The following STAC variants were observed in gnomAD, a reference collection of about 807,000 sequenced individuals.
The protein encoded by STAC is SH3 and cysteine rich domain.
In STAC, 43 loss-of-function variants were observed where a neutral mutation model predicts 48.8. The ratio of observed to expected loss-of-function variants is 0.88; its 90% CI spans 0.69 to 1.14. STAC has a LOEUF of 1.14. STAC is among the 50% of genes most tolerant of loss of function. The pLI is 0.00. For synonymous variants in STAC, 193 were observed against 179.5 expected, an observed-to-expected ratio of 1.07 and a Z score of -0.60; for missense variants, 497 against 504.0, an observed-to-expected ratio of 0.99 and a Z score of 0.13.
At chr3:36,496,995 A>C (rs1385606884) in intron 6 of STAC, among the ~76,000 whole-genome samples, 4 of 151,900 alleles carry the variant, frequency 2.6e-5, no homozygotes, top group African/African-American at 9.7e-5. Flanking sequence ...ATCGAATATT[A>C]CCTCACTTTG....
chr3:36,382,381 G>A (rs187421435), intron 1 of STAC, among the ~76,000 whole-genome samples: 1 of 152,150 alleles, frequency 6.6e-6, no homozygotes, highest in East Asian at 1.9e-4. Context: ...ATATGGATTT[G>A]CTATTTATAG....
chr3:36,388,668 G>T (rs78572229), intron 1 of STAC, among the ~76,000 whole-genome samples: 2,066 of 151,964 alleles, frequency 0.014, 45 homozygotes, highest in African/African-American at 0.043. Context: ...GTAGTATGAA[G>T]AAATCTATTT....
intron 6 of STAC, among the ~76,000 whole-genome samples, chr3:36,503,679 C>T (rs1217533104): frequency 3.9e-5 from 6 of 152,182 alleles, no homozygotes; most frequent in East Asian, 3.9e-4. Context: ...GTGATCTACC[C>T]GCCTCGGCCT....
At chr3:36,516,945 G>A (rs879725872) in intron 8 of STAC, among the ~76,000 whole-genome samples, 1 of 152,128 alleles carries the variant, frequency 6.6e-6, no homozygotes, top group Non-Finnish European at 1.5e-5. Context: ...TAAGGATATA[G>A]AGTAGAGAAA....
intron 2 of STAC, among the ~76,000 whole-genome samples, chr3:36,446,820 G>C (rs1024992616): frequency 6.6e-6 from 1 of 152,124 alleles, no homozygotes; most frequent in Non-Finnish European, 1.5e-5. Context: ...ATATTAAATG[G>C]AGTCGTATTT....
At chr3:36,405,206 A>T (rs1393153923) in intron 1 of STAC, among the ~76,000 whole-genome samples, 2 of 152,144 alleles carry the variant, frequency 1.3e-5, no homozygotes, top group East Asian at 3.9e-4. Context: ...ACCCGAATGC[A>T]AACCCCTCAG....
intron 6 of STAC, among the ~76,000 whole-genome samples, chr3:36,496,958 AC>A (rs1698165372): frequency 6.6e-6 from 1 of 152,190 alleles, no homozygotes; most frequent in Non-Finnish European, 1.5e-5. Context: ...GGCTGGGTTA[AC>A]CACAGCCACT....
At position 36,385,622 on chromosome 3, in the gene STAC, GA is replaced by G. The variant is rs557062237; in HGVS notation, c.111+4870del. Among the ~76,000 whole-genome samples the G allele has an allele frequency of 1.8e-3, 278 of 152,092 alleles. 2 individuals carry two copies. The highest frequency in any genetic ancestry group is 6.3e-3 in the African/African-American group (261 of 41,536). ...GTGACCACCTCATAAATCACAAAAA[GA>G]ATATTACTGACACCCCAGAATCTCT... On this transcript the variant is annotated intron_variant, in intron 1 of 10. Transcript: ENST00000273183.
At chr3:36,476,880 A>C (rs898929662) in intron 2 of STAC, among the ~76,000 whole-genome samples, 1 of 152,118 alleles carries the variant, frequency 6.6e-6, no homozygotes, top group Non-Finnish European at 1.5e-5. Context: ...GCTCTGCACA[A>C]CTTTTGATGC....
intron 1 of STAC, among the ~76,000 whole-genome samples, chr3:36,385,435 A>C (rs879663909): frequency 3.9e-5 from 6 of 152,128 alleles, no homozygotes; most frequent in Non-Finnish European, 7.4e-5. Context: ...AAACACTTCT[A>C]AGGTATTTTA....
At chr3:36,467,108 A>G (rs1460623715) in intron 2 of STAC, among the ~76,000 whole-genome samples, 1 of 151,434 alleles carries the variant, frequency 6.6e-6, no homozygotes, top group Non-Finnish European at 1.5e-5. Flanking sequence ...TGATCGTGTA[A>G]TTTTCATTTT....
chr3:36,538,670 T>G (rs76435476), intron 10 of STAC, among the ~76,000 whole-genome samples: 585 of 152,302 alleles, frequency 3.8e-3, no homozygotes, highest in Middle Eastern at 0.024. Context: ...TGCAAGAATT[T>G]AACATTATTA....
chr3:36,482,861 T>G, intron 2 of STAC, 131 bp from the exon 3 acceptor site: 1 of 632,920 alleles, frequency 1.6e-6, no homozygotes, highest in East Asian at 2.8e-5. Context: ...ATATTTTTTT[T>G]CTATTTTGAA....
intron 2 of STAC, among the ~76,000 whole-genome samples, chr3:36,477,776 T>G (rs73827528): frequency 6.6e-6 from 1 of 152,128 alleles, no homozygotes; most frequent in Admixed American, 6.5e-5. Flanking sequence ...ATAAAACTGT[T>G]TTAATTTAGC....
chr3:36,482,001 T>C (rs1697660085), intron 2 of STAC, among the ~76,000 whole-genome samples: 1 of 152,166 alleles, frequency 6.6e-6, no homozygotes, highest in South Asian at 2.1e-4. Context: ...AAATACTCTC[T>C]CCACTACCTC....
chr3:36,414,136 T>C (rs1048726881), intron 1 of STAC, among the ~76,000 whole-genome samples: 2 of 152,206 alleles, frequency 1.3e-5, no homozygotes, highest in Non-Finnish European at 2.9e-5. Context: ...CTTTGGTAAA[T>C]CTGACAATTA....
rs546814100 is a variant in STAC at position 36,529,231 on chromosome 3, G to A, written c.1110+246G>A. On this transcript the variant is annotated intron_variant, in intron 10 of 10. Transcript: ENST00000273183. Reference sequence around the variant, plus strand: ...TGATAGTGGCAGGCGACGACATCTCGTCCCCCATGCTCTTCTCAGAAGACC... The same window carrying A: ...TGATAGTGGCAGGCGACGACATCTCATCCCCCATGCTCTTCTCAGAAGACC... 7.5e-4 allele frequency: 201 copies of A among 266,318 alleles called. 1 individual carries two copies. The highest frequency in any genetic ancestry group is 3.8e-3 in the African/African-American group (175 of 46,308). 16.5% of individuals were successfully genotyped at this position (266,318 alleles called of 1,614,324 possible).
At chr3:36,490,994 G>A (rs940324408) in intron 5 of STAC, among the ~76,000 whole-genome samples, 26 of 152,070 alleles carry the variant, frequency 1.7e-4, no homozygotes, top group Admixed American at 6.5e-4. Flanking sequence ...GCTGCAGGGA[G>A]ACAAAGACAA....
At chr3:36,432,512 G>C (rs984555495) in intron 1 of STAC, among the ~76,000 whole-genome samples, 6 of 152,108 alleles carry the variant, frequency 3.9e-5, no homozygotes, top group African/African-American at 1.4e-4. Context: ...GACCAGCCTG[G>C]CCAACATGGT....
Sources: gnomAD v4.1 joint callset for allele counts (sites outside exome capture counted in the v4.1 genomes callset) on GRCh38, gnomAD v4.1.1 for gene constraint, MANE v1.5 for transcripts, NCBI Gene and HGNC (gene_info 2026-07-23, HGNC 2026-07-21) for gene names.